Variants in SPTBN2 observed in about 807,000 individuals in gnomAD.
SPTBN2 encodes the protein spectrin beta, non-erythrocytic 2.
A neutral mutation model predicts 284.2 loss-of-function variants in SPTBN2; 107 were observed. The ratio of observed to expected loss-of-function variants is 0.38; its 90% CI spans 0.32 to 0.44. The LOEUF (loss-of-function observed/expected upper bound fraction) is 0.44, where lower values mean the gene tolerates loss of function less well. SPTBN2 is among the 20% of genes least tolerant of loss of function. SPTBN2 has a pLI of 1.00. For synonymous variants in SPTBN2, 1,289 were observed against 1,354.8 expected (o/e 0.95, Z 1.07); for missense variants, 2,569 against 3,287.1 (o/e 0.78, Z 5.34).
At chr11:66,701,418 C>G in intron 16 of SPTBN2, 136 bp from the exon 17 acceptor site, 7 of 1,481,936 alleles carry the variant, frequency 4.7e-6, no homozygotes, top group Non-Finnish European at 6.4e-6. Context: ...CCACCTTGAC[C>G]CCCTCTCTCA....
Position 66,701,015 on chromosome 11 carries a change from G to T in SPTBN2, c.3084C>A (p.Gly1028=). The T allele has an allele frequency of 6.2e-7, 1 of 1,608,112 alleles. No homozygotes were observed. Residue 1028 remains glycine, a synonymous_variant, in exon 17 of 38, where the codon GGC becomes GGA. Transcript: ENST00000533211. The stretch of plus-strand genomic sequence containing the variant: ...TGATGGCCACTGCCTGAGCGGGATG[G>T]CCGGCAGCCAGGGCATTTGCCTCTC... ...LTREANALAA[G]HPAQAVAINA...
rs1335805817 is a variant in SPTBN2, at chr11:66,728,988, A to G, written c.-361T>C. ...ATGGCACAGTGAAGATTCGTCTTCT[A>G]CAGATCAGATGCTCCAAACAGGCAT... On this transcript the variant is annotated 5_prime_UTR_variant, in exon 1 of 38. Coordinates refer to ENST00000533211, the MANE Select transcript of SPTBN2 (RefSeq NM_006946.4). The G allele has an allele frequency of 3.3e-5, 5 of 151,968 alleles. No individual in the cohort carries two copies. Among genetic ancestry groups the G allele is most frequent in the Non-Finnish European group, 5.9e-5 (4 of 67,998 alleles). 9.4% of individuals were successfully genotyped at this position (151,968 alleles called of 1,614,324 possible).
intron 1 of SPTBN2, among the ~76,000 whole-genome samples, chr11:66,741,288 T>G (rs548889706): frequency 4.1e-4 from 63 of 152,326 alleles, no homozygotes; most frequent in African/African-American, 1.4e-3. Context: ...GATGGTTTTA[T>G]AAGGGGCTTC....
chr11:66,688,950 A>T, intron 30 of SPTBN2, 101 bp from the exon 31 acceptor site: 1 of 1,511,956 alleles, frequency 6.6e-7, no homozygotes, highest in Non-Finnish European at 9.1e-7. Flanking sequence ...AGAGAAAGCC[A>T]CTGCCCCAGA....
rs77705586 is a variant in SPTBN2, at chr11:66,725,234, C to T, written c.-114+3507G>A. Among the ~76,000 whole-genome samples, 1,417 of 152,336 alleles carry T rather than the reference C, an allele frequency of 9.3e-3. 12 individuals carry two copies. Among genetic ancestry groups the T allele is most frequent in the Non-Finnish European group, 0.016 (1,087 of 68,032 alleles). On this transcript the variant is annotated intron_variant, in intron 1 of 37. Coordinates refer to ENST00000533211, the MANE Select transcript of SPTBN2 (RefSeq NM_006946.4). ...GGCCACCATGTTGCAACTCCACAGC[C>T]TTCCATGTGAATGGTGCTCTCTGGC...
chr11:66,713,588 G>C lies in SPTBN2; in HGVS notation c.772+43C>G, dbSNP rs767311057. ...CCTGGCAACCACTGGTCCACCTCCT[G>C]TCTCTACCCTACCACCTCTTTTTCA... is the stretch of plus-strand genomic sequence containing the variant. On this transcript the variant is annotated intron_variant, in intron 8 of 37. Transcript: ENST00000533211. 9.1e-6 allele frequency: 14 copies of C among 1,542,746 alleles called. No homozygotes were observed. In the South Asian group the frequency reaches 1.4e-4, roughly 16 times the overall value.
rs1184590178 is a variant in SPTBN2 at position 66,710,900 on chromosome 11, C to G, written c.885+17G>C. 1 of 1,613,550 alleles carries G rather than the reference C, an allele frequency of 6.2e-7. No homozygotes were observed. The highest frequency in any genetic ancestry group is 8.5e-7 in the Non-Finnish European group (1 of 1,179,434). On this transcript the variant is annotated intron_variant, in intron 9 of 37. Transcript: ENST00000533211. This position sits in a 1 kb window ranked among gnomAD's most constrained non-coding sequence, Gnocchi z 4.9. Reference sequence around the variant, plus strand: ...GGGCCTCCTCTGGCCTTTATGCCTACTGCCCATGGACAGTACCTTGCCAAT... The same window carrying G: ...GGGCCTCCTCTGGCCTTTATGCCTAGTGCCCATGGACAGTACCTTGCCAAT...
chr11:66,701,119 C>T lies in SPTBN2; in HGVS notation c.2980G>A (p.Val994Met), dbSNP rs1379567333. 1.9e-6 allele frequency: 3 copies of T among 1,613,104 alleles called. No homozygotes were observed. The highest frequency in any genetic ancestry group is 1.1e-5 in the South Asian group (1 of 91,086). ...TQGLGNDLAG[V>M]LALQRKLAGT... ...GCCAGCTTGCGCTGCAGGGCCAGCA[C>T]CCCAGCCAGATCGTTGCCTAGGCCC... is the stretch of plus-strand genomic sequence containing the variant. The change falls in exon 17 of 38, where the codon GTG becomes ATG. Residue 994 changes from valine to methionine, a missense_variant. Physicochemically the swap from Val to Met is conservative, Grantham distance 21. Transcript: ENST00000533211.
At chr11:66,696,200 G>A in intron 21 of SPTBN2, 77 bp downstream of exon 21, 2 of 1,577,590 alleles carry the variant, frequency 1.3e-6, no homozygotes, top group Non-Finnish European at 1.7e-6. Context: ...CCAGGCCTCA[G>A]CTGGCCTCCC....
In SPTBN2 at chr11:66,705,817, G is replaced by T; in HGVS notation, c.1674C>A (p.Asp558Glu). ...CCACTCCTGCTAGGTGCCTGCCCAGGTCCTGAGACTGCAGCCGGCCCTGCC... is the reference window on the plus strand; with the variant it reads ...CCACTCCTGCTAGGTGCCTGCCCAGTTCCTGAGACTGCAGCCGGCCCTGCC... ...EEMKGRLQSQ[D>E]LGRHLAGVED... The change falls in exon 14 of 38, where the codon GAC becomes GAA. Residue 558 changes from aspartate to glutamate, a missense_variant. Physicochemically the swap from Asp to Glu is conservative, Grantham distance 45. Around this residue, in one of 6 missense-constraint regions of SPTBN2, gnomAD observed 1,012 missense variants for 1,248.9 expected, o/e 0.81. Coordinates refer to ENST00000533211, the MANE Select transcript of SPTBN2 (RefSeq NM_006946.4). 1 of 1,612,396 alleles carries T rather than the reference G, an allele frequency of 6.2e-7. No homozygotes were observed. The highest frequency in any genetic ancestry group is 8.5e-7 in the Non-Finnish European group (1 of 1,179,852).
rs557719940 is a variant in SPTBN2, at chr11:66,717,791, C to T, written c.158-1810G>A. Among the ~76,000 whole-genome samples the T allele has an allele frequency of 5.6e-4, 85 of 152,298 alleles. 1 individual carries two copies. The highest frequency in any genetic ancestry group is 1.8e-3 in the African/African-American group (74 of 41,560). ...GCCAAGCACCAGAAACCAAGTGTCA[C>T]GTCACAAGACGCCCACAGCATCCCT... On this transcript the variant is annotated intron_variant, in intron 3 of 37. Coordinates refer to ENST00000533211, the MANE Select transcript of SPTBN2 (RefSeq NM_006946.4).
At chr11:66,701,368 C>A in intron 16 of SPTBN2, 86 bp from the exon 17 acceptor site, 1 of 1,557,658 alleles carries the variant, frequency 6.4e-7, no homozygotes, top group Non-Finnish European at 8.7e-7. Flanking sequence ...CTTGGTAGCT[C>A]CCCTTCACTC....
Position 66,705,005 on chromosome 11 carries a change from G to C in SPTBN2, c.2271C>G (p.Asn757Lys). ...CGTCAACCAACCAGGCCTCCATGTC[G>C]TTTGCATCGGCCTGGAACTGGTAGA... ...ASLYQFQADA[N>K]DMEAWLVDAL... is the part of the protein sequence containing the mutation. Residue 757 changes from asparagine (N) to lysine (K), a missense_variant, in exon 15 of 38, where the codon AAC becomes AAG. Around this residue, in one of 6 missense-constraint regions of SPTBN2, gnomAD observed 1,012 missense variants for 1,248.9 expected, o/e 0.81. Transcript: ENST00000533211. 3.1e-6 allele frequency: 5 copies of C among 1,604,612 alleles called. No individual in the cohort carries two copies. The highest frequency in any genetic ancestry group is 4.2e-6 in the Non-Finnish European group (5 of 1,179,784).
Position 66,708,769 on chromosome 11 carries a change from C to G in SPTBN2, c.1191+133G>C. The G allele has an allele frequency of 1.4e-6, 1 of 728,832 alleles. No individual in the cohort carries two copies. The allele number at this position is 728,832 out of a possible 1,614,324, so 45.1% of individuals were successfully genotyped here. A position where few individuals can be genotyped will look rare whatever the true frequency, so the allele number is the denominator to read the frequency against. On this transcript the variant is annotated intron_variant, in intron 11 of 37. Transcript: ENST00000533211. This position sits in a 1 kb window ranked among gnomAD's most constrained non-coding sequence, Gnocchi z 4.4. ...ACAGTGTGGGCAGCTGGGCAGAGTG[C>G]TCGAGTTTCAAGTTGGGGCAGCAGA...
intron 8 of SPTBN2, 59 bp downstream of exon 8, chr11:66,713,572 C>T (rs1941990753): frequency 1.4e-6 from 2 of 1,405,314 alleles, no homozygotes; most frequent in Non-Finnish European, 1.0e-6. Context: ...CCCTGGCAAC[C>T]ACTGGTCCAC....
chr11:66,698,558 C>T (rs563408127), intron 20 of SPTBN2, 81 bp downstream of exon 20: 602 of 1,607,520 alleles, frequency 3.7e-4, no homozygotes, highest in Non-Finnish European at 4.6e-4. Context: ...CTAACCATGA[C>T]AAAAACCACG....
chr11:66,740,032 A>G (rs901136978), intron 1 of SPTBN2, among the ~76,000 whole-genome samples: 10 of 152,150 alleles, frequency 6.6e-5, no homozygotes, highest in Admixed American at 3.9e-4. Flanking sequence ...AACTCCTTCA[A>G]AAAAAAGCCA....
intron 1 of SPTBN2, among the ~76,000 whole-genome samples, chr11:66,726,992 G>A (rs1466451375): frequency 6.6e-6 from 1 of 152,186 alleles, no homozygotes; most frequent in South Asian, 2.1e-4. Context: ...TCCCTCGGAG[G>A]AAGTTAGGAA....
At chr11:66,702,378 G>T (rs545902479) in intron 15 of SPTBN2, among the ~76,000 whole-genome samples, 41 of 152,178 alleles carry the variant, frequency 2.7e-4, no homozygotes, top group African/African-American at 9.9e-4. Context: ...TCTTGGCCAG[G>T]CTGGTCTTGA....
Sources: allele counts gnomAD v4.1 joint callset (sites outside exome capture counted in the v4.1 genomes callset), GRCh38; gene constraint gnomAD v4.1.1; regional missense constraint gnomAD v4.1.1; non-coding constraint Gnocchi (gnomAD v3.1); transcripts MANE v1.5; gene names NCBI Gene and HGNC (gene_info 2026-07-23, HGNC 2026-07-21).